Variants in ZBTB7A observed in about 807,000 individuals in gnomAD.
ZBTB7A encodes zinc finger and BTB domain containing 7A, also known as zinc finger and BTB domain-containing protein 7A.
A neutral mutation model predicts 26.7 loss-of-function variants in ZBTB7A; 7 were observed. That is an observed-to-expected ratio of 0.26 (90% CI 0.15 to 0.49). The LOEUF (loss-of-function observed/expected upper bound fraction) is 0.49, where lower values mean the gene tolerates loss of function less well. Among genes scored for constraint, ZBTB7A ranks in the 20% least tolerant of loss-of-function variants. The probability of loss-of-function intolerance (pLI) is 0.98; values close to 1 mark genes in which losing one functional copy is unlikely to be tolerated. For missense variants in ZBTB7A, 617 were observed against 919.5 expected, an observed-to-expected ratio of 0.67 and a Z score of 4.25; for synonymous variants, 452 against 441.0, an observed-to-expected ratio of 1.02 and a Z score of -0.31.
intron 1 of ZBTB7A, among the ~76,000 whole-genome samples, chr19:4,060,036 G>C (rs896865089): frequency 6.6e-6 from 1 of 152,004 alleles, no homozygotes; most frequent in Middle Eastern, 3.2e-3. Flanking sequence ...CCTGGGCTCG[G>C]CCCACACCCA....
At chr19:4,059,818 T>C (rs951766449) in intron 1 of ZBTB7A, among the ~76,000 whole-genome samples, 3 of 151,814 alleles carry the variant, frequency 2.0e-5, no homozygotes, top group Non-Finnish European at 4.4e-5. Flanking sequence ...AGACCCTGCC[T>C]CCGAGGTGGG....
rs560552034 is a variant in ZBTB7A, at chr19:4,050,053, A to G, written c.1263-1809T>C. The stretch of plus-strand genomic sequence containing the variant: ...ATTCTTCTGCCTCAGCCTCCCAAGT[A>G]GCTGGGATTACAGGCCCTCTGCCAC... On this transcript the variant is annotated intron_variant, in intron 2 of 2. Coordinates refer to ENST00000322357, the MANE Select transcript of ZBTB7A (RefSeq NM_015898.4). Among the ~76,000 whole-genome samples the G allele has an allele frequency of 2.0e-4, 30 of 152,072 alleles. No individual in the cohort carries two copies. In the South Asian group the frequency reaches 3.3e-3, roughly 17 times the overall value.
In ZBTB7A at chr19:4,049,879, T is replaced by A. The variant is rs147749397; in HGVS notation, c.1263-1635A>T. On this transcript the variant is annotated intron_variant, in intron 2 of 2. Transcript: ENST00000322357. ...AAATTTGGGCTCAAATGTCACCTCC[T>A]TCCCCAGCCCTGTCTCCATCCTCCT... Among the ~76,000 whole-genome samples, 653 of 152,288 alleles carry A rather than the reference T, an allele frequency of 4.3e-3. 2 individuals carry two copies. Among genetic ancestry groups the A allele is most frequent in the Non-Finnish European group, 7.3e-3 (496 of 68,010 alleles).
chr19:4,061,508 G>C (rs1261184568), intron 1 of ZBTB7A: 1 of 152,246 alleles, frequency 6.6e-6, no homozygotes, highest in Non-Finnish European at 1.5e-5. Context: ...CCCGATCGGG[G>C]GGCACCAACG....
rs1225137069 is a variant in ZBTB7A, at chr19:4,047,899, C to T, written c.1608G>A (p.Lys536=). 2.5e-6 allele frequency: 4 copies of T among 1,576,136 alleles called. No homozygotes were observed. The Admixed American group carries it at 5.4e-5, about 21-fold the overall frequency. Residue 536 remains lysine (K), a synonymous_variant, in exon 3 of 3, where the codon AAG becomes AAA. Coordinates refer to ENST00000322357, the MANE Select transcript of ZBTB7A (RefSeq NM_015898.4). ...SPDARRNGQE[K]HFKDEDEDED... is the part of the protein sequence containing the mutation. ...CGTCCTCGTCCTCGTCCTTAAAGTG[C>T]TTCTCCTGGCCGTTGCGCCGGGCGT...
At chr19:4,060,633 G>A (rs2040628992) in intron 1 of ZBTB7A, among the ~76,000 whole-genome samples, 1 of 152,230 alleles carries the variant, frequency 6.6e-6, no homozygotes, top group South Asian at 2.1e-4. Context: ...AAGGACCCCG[G>A]CATCCCAAGA....
In ZBTB7A at chr19:4,047,953, G is replaced by A. The variant is rs778262112; in HGVS notation, c.1554C>T (p.Pro518=). Residue 518 remains proline (P), a synonymous_variant, in exon 3 of 3, where the codon CCC becomes CCT. Transcript: ENST00000322357. ...PDPSPGATAT[P]GAPAQPSSPD... ...GGGAGCTGGGCTGGGCGGGGGCGCC[G>A]GGGGTCGCGGTGGCCCCCGGGCTGG... 2.0e-4 allele frequency: 257 copies of A among 1,281,958 alleles called. 1 individual carries two copies. Among genetic ancestry groups the A allele is most frequent in the Non-Finnish European group, 2.3e-4 (234 of 1,002,688 alleles). 79.4% of individuals were successfully genotyped at this position (1,281,958 alleles called of 1,614,324 possible).
chr19:4,065,586 G>A (rs1431935050), intron 1 of ZBTB7A: 1 of 145,576 alleles, frequency 6.9e-6, no homozygotes, highest in African/African-American at 2.5e-5. Context: ...CCGGGCTGGG[G>A]GGAGGGCGAT....
Position 4,046,476 on chromosome 19 carries a change from G to T in ZBTB7A, c.*1276C>A, listed in dbSNP as rs1357016416. 7.3e-6 allele frequency: 1 copy of T among 137,264 alleles called. No individual in the cohort carries two copies. The highest frequency in any genetic ancestry group is 2.8e-5 in the African/African-American group (1 of 35,678). The allele number at this position is 137,264 out of a possible 1,614,324, so 8.5% of individuals were successfully genotyped here. A position where few individuals can be genotyped will look rare whatever the true frequency, so the allele number is the denominator to read the frequency against. On this transcript the variant is annotated 3_prime_UTR_variant, in exon 3 of 3. Coordinates refer to ENST00000322357, the MANE Select transcript of ZBTB7A (RefSeq NM_015898.4). ...TCTTTTCAACTTTTCATAGAAGTTG[G>T]TTGTAACTTGTAAACATGTTTTTAA...
intron 2 of ZBTB7A, among the ~76,000 whole-genome samples, chr19:4,049,197 T>TATATATATATATATAC: frequency 2.5e-5 from 1 of 39,790 alleles, no homozygotes; most frequent in African/African-American, 5.2e-5. Flanking sequence ...TATATATATA[T>TATATATATATATATAC]ATATATATAT....
In ZBTB7A at chr19:4,046,762, T is replaced by C. The variant is rs1053815149; in HGVS notation, c.*990A>G. On this transcript the variant is annotated 3_prime_UTR_variant, in exon 3 of 3. Coordinates refer to ENST00000322357, the MANE Select transcript of ZBTB7A (RefSeq NM_015898.4). The stretch of plus-strand genomic sequence containing the variant: ...TTGCCTGCTCCTCTGAGGAAAAGTA[T>C]ATTATTTATATATATATATATATCT... 3 of 147,458 alleles carry C rather than the reference T, an allele frequency of 2.0e-5. No homozygotes were observed. Among genetic ancestry groups the C allele is most frequent in the Non-Finnish European group, 4.5e-5 (3 of 66,860 alleles). The allele number at this position is 147,458 out of a possible 1,614,324, so 9.1% of individuals were successfully genotyped here.
intron 2 of ZBTB7A, among the ~76,000 whole-genome samples, chr19:4,049,168 G>GTGTGTGTATATATATATATATATA (rs1403864466): frequency 6.7e-5 from 1 of 14,954 alleles, no homozygotes; most frequent in Non-Finnish European, 1.2e-4. Context: ...GTGTGTGTGT[G>GTGTGTGTATATATATATATATATA]TATATATATA....
chr19:4,054,821 C>T lies in ZBTB7A; in HGVS notation c.412G>A (p.Ala138Thr). The T allele has an allele frequency of 2.5e-6, 4 of 1,598,280 alleles. No homozygotes were observed. The highest frequency in any genetic ancestry group is 3.4e-6 in the Non-Finnish European group (4 of 1,172,414). ...DRQILAADAG[A>T]DAGQLDLVDQ... ...ACAAGGTCCAGCTGCCCGGCGTCGG[C>T]GCCCGCGTCGGCCGCCAGGATCTGC... The change falls in exon 2 of 3, where the codon GCC becomes ACC. Residue 138 changes from alanine to threonine, a missense_variant. This residue lies in a region of ZBTB7A where 331 missense variants were observed against 391.3 expected (regional missense o/e 0.85). Transcript: ENST00000322357.
Position 4,045,654 on chromosome 19 carries a change from T to G in ZBTB7A, c.*2098A>C. 63 of 345,144 alleles carry G rather than the reference T, an allele frequency of 1.8e-4. No individual in the cohort carries two copies. Among genetic ancestry groups the G allele is most frequent in the East Asian group, 4.4e-4 (10 of 22,764 alleles). The allele number at this position is 345,144 out of a possible 1,614,324, so 21.4% of individuals were successfully genotyped here. On this transcript the variant is annotated 3_prime_UTR_variant, in exon 3 of 3. Transcript: ENST00000322357. This position sits in a 1 kb window ranked among gnomAD's most constrained non-coding sequence, Gnocchi z 4.1. ...GGGCAGGGAGACACCCCCCCGCCGG[T>G]TGGGCATTGACAAGAAGTCTCAGTG... is the stretch of plus-strand genomic sequence containing the variant.
Position 4,048,556 on chromosome 19 carries a change from C to T in ZBTB7A, c.1263-312G>A, listed in dbSNP as rs1275708564. 1.3e-5 allele frequency among the ~76,000 whole-genome samples: 2 copies of T among 152,016 alleles called. No individual in the cohort carries two copies. The highest frequency in any genetic ancestry group is 2.4e-5 in the African/African-American group (1 of 41,388). On this transcript the variant is annotated intron_variant, in intron 2 of 2. Coordinates refer to ENST00000322357, the MANE Select transcript of ZBTB7A (RefSeq NM_015898.4). This position sits in a 1 kb window ranked among gnomAD's most constrained non-coding sequence, Gnocchi z 6.7. ...TTTAAGAGACAAAGTCTAGGCCAGG[C>T]GCGGAGGCTCAGGCCTGAAATCCCA...
intron 2 of ZBTB7A, among the ~76,000 whole-genome samples, chr19:4,050,904 G>A (rs1323989312): frequency 6.6e-6 from 1 of 151,812 alleles, no homozygotes; most frequent in Non-Finnish European, 1.5e-5. Context: ...TTCGAGACCA[G>A]CCTGGCCAAC....
Position 4,044,794 on chromosome 19 carries a change from G to T in ZBTB7A, c.*2958C>A, listed in dbSNP as rs2040394119. ...AGCTTTGAGCTGTGTCCTTTCATAT[G>T]GAGTCAACACGACCCTCCTCAAATA... On this transcript the variant is annotated 3_prime_UTR_variant, in exon 3 of 3. Transcript: ENST00000322357. The T allele has an allele frequency of 6.7e-6, 1 of 149,750 alleles. No homozygotes were observed. Among genetic ancestry groups the T allele is most frequent in the Non-Finnish European group, 1.5e-5 (1 of 67,706 alleles). 9.3% of individuals were successfully genotyped at this position (149,750 alleles called of 1,614,324 possible). A position where few individuals can be genotyped will look rare whatever the true frequency, so the allele number is the denominator to read the frequency against.
chr19:4,054,197 TGTC>T lies in ZBTB7A; in HGVS notation c.1033_1035del (p.Asp345del). 1 of 1,591,606 alleles carries T rather than the reference TGTC, an allele frequency of 6.3e-7. No homozygotes were observed. The highest frequency in any genetic ancestry group is 8.5e-7 in the Non-Finnish European group (1 of 1,174,464). On this transcript the variant is annotated inframe_deletion, in exon 2 of 3. Transcript: ENST00000322357. ...TTCAGGTAGTAGTCCATGACGCCCT[TGTC>T]GTCGGCCCGCGACTCCTCGTCGCTG...
In ZBTB7A at chr19:4,049,164, GTGTGTATATATATATATATATATATA is replaced by G. The variant is rs1159073090; in HGVS notation, c.1263-946_1263-921del. ...TTAAACTATATGTGTGTGTGTGTGT[GTGTGTATATATATATATATATATATA>G]TATATATATATATATATATGTAAGT... On this transcript the variant is annotated intron_variant, in intron 2 of 2. Coordinates refer to ENST00000322357, the MANE Select transcript of ZBTB7A (RefSeq NM_015898.4). 2.4e-4 allele frequency among the ~76,000 whole-genome samples: 5 copies of G among 21,178 alleles called. 1 individual carries two copies. The highest frequency in any genetic ancestry group is 2.0e-4 in the African/African-American group (2 of 9,910). The allele number at this position is 21,178 out of a possible 152,430, so 13.9% of individuals were successfully genotyped here.
Sources: gnomAD v4.1 joint callset for allele counts (sites outside exome capture counted in the v4.1 genomes callset) on GRCh38, gnomAD v4.1.1 for gene constraint, gnomAD v4.1.1 regional missense constraint, Gnocchi (gnomAD v3.1) non-coding constraint, MANE v1.5 for transcripts, NCBI Gene and HGNC (gene_info 2026-07-23, HGNC 2026-07-21) for gene names.